HSD17B2: variants seen among roughly 807,000 people sequenced by gnomAD.
HSD17B2 encodes hydroxysteroid 17-beta dehydrogenase 2.
A neutral mutation model predicts 26.9 loss-of-function variants in HSD17B2; 32 were observed. The observed-to-expected ratio is 1.19, with a 90% CI of 0.90 to 1.60. The LOEUF is 1.60. HSD17B2 is among the 40% of genes most tolerant of loss of function. The pLI is 0.00. For synonymous variants in HSD17B2, 246 were observed against 186.7 expected, an observed-to-expected ratio of 1.32 and a Z score of -2.59; for missense variants, 613 against 468.6, an observed-to-expected ratio of 1.31 and a Z score of -2.85.
intron 2 of HSD17B2, among the ~76,000 whole-genome samples, chr16:82,069,302 T>A (rs1914644209): frequency 6.6e-6 from 1 of 152,244 alleles, no homozygotes; most frequent in Admixed American, 6.5e-5. Flanking sequence ...ATTTTCTTTA[T>A]CCAGTCTATC....
intron 1 of HSD17B2, among the ~76,000 whole-genome samples, chr16:82,038,698 C>A (rs753498248): frequency 7.2e-5 from 11 of 152,158 alleles, no homozygotes; most frequent in Non-Finnish European, 1.3e-4. Flanking sequence ...AGGCTAGGTC[C>A]CCAGAGGCAG....
chr16:82,045,947 G>A (rs941279481), intron 1 of HSD17B2, among the ~76,000 whole-genome samples: 8 of 152,220 alleles, frequency 5.3e-5, no homozygotes, highest in African/African-American at 1.9e-4. Context: ...GTCTTTGGGA[G>A]GTGCTGGACT....
At chr16:82,045,592 T>A (rs1913901735) in intron 1 of HSD17B2, among the ~76,000 whole-genome samples, 1 of 152,240 alleles carries the variant, frequency 6.6e-6, no homozygotes, top group Non-Finnish European at 1.5e-5. Flanking sequence ...CGATGAGAGT[T>A]CTGCCTTCTG....
chr16:82,046,365 G>GT (rs1184955854), intron 1 of HSD17B2, among the ~76,000 whole-genome samples: 1 of 152,136 alleles, frequency 6.6e-6, no homozygotes, highest in South Asian at 2.1e-4. Context: ...GTCAGATACT[G>GT]TAAGGAGCAC....
At chr16:82,073,947 A>C (rs1914755066) in intron 3 of HSD17B2, among the ~76,000 whole-genome samples, 1 of 152,240 alleles carries the variant, frequency 6.6e-6, no homozygotes, top group Non-Finnish European at 1.5e-5. Flanking sequence ...CCTGAATTCA[A>C]ACTATACTAC....
intron 3 of HSD17B2, among the ~76,000 whole-genome samples, chr16:82,079,603 TGGGGG>T (rs1030573958): frequency 2.0e-5 from 3 of 152,150 alleles, no homozygotes; most frequent in African/African-American, 7.2e-5. Context: ...TTCTGGGTGG[TGGGGG>T]GAGCAATTCA....
At chr16:82,060,493 T>C (rs1366957183) in intron 1 of HSD17B2, among the ~76,000 whole-genome samples, 5 of 152,198 alleles carry the variant, frequency 3.3e-5, no homozygotes, top group African/African-American at 1.2e-4. Flanking sequence ...TGCCGACTCA[T>C]CTCCTGGTTA....
chr16:82,080,023 C>A (rs564543981), intron 3 of HSD17B2, among the ~76,000 whole-genome samples: 17 of 152,178 alleles, frequency 1.1e-4, no homozygotes, highest in Non-Finnish European at 2.1e-4. Flanking sequence ...TGTCTTGAGT[C>A]TGGCACCTCT....
chr16:82,096,215 T>A (rs1904834682), intron 4 of HSD17B2: 1 of 152,156 alleles, frequency 6.6e-6, no homozygotes, highest in African/African-American at 2.4e-5. Context: ...ATATTTAAAA[T>A]CCTGTATTTA....
At chr16:82,063,515 C>T (rs1425528904) in intron 1 of HSD17B2, among the ~76,000 whole-genome samples, 7 of 151,936 alleles carry the variant, frequency 4.6e-5, no homozygotes, top group African/African-American at 1.7e-4. Flanking sequence ...GATGGTCTCC[C>T]GTGATCTTTG....
intron 1 of HSD17B2, among the ~76,000 whole-genome samples, chr16:82,043,684 C>CAAAAAAAAAAAAAAAAAAAAA (rs398030034): frequency 4.4e-5 from 1 of 22,540 alleles, no homozygotes; most frequent in African/African-American, 3.5e-4. Flanking sequence ...AACTCTGTCT[C>CAAAAAAAAAAAAAAAAAAAAA]AAAAAAAAAA....
rs573777241 is a variant in HSD17B2 at position 82,090,207 on chromosome 16, AG to A, written c.665-694del. ...ATAGTGGACCCTCCTCCCCACAAAA[AG>A]ATATGTTTACCAGGAACCTCAGAAG... On this transcript the variant is annotated intron_variant, in intron 3 of 4. Transcript: ENST00000199936. 2.7e-4 allele frequency: 262 copies of A among 982,078 alleles called. 1 individual carries two copies. In the African/African-American group the frequency reaches 4.5e-3, roughly 17 times the overall value. 60.8% of individuals were successfully genotyped at this position (982,078 alleles called of 1,614,324 possible). A position where few individuals can be genotyped will look rare whatever the true frequency, so the allele number is the denominator to read the frequency against.
At chr16:82,039,760 T>C (rs949986862) in intron 1 of HSD17B2, among the ~76,000 whole-genome samples, 2 of 152,112 alleles carry the variant, frequency 1.3e-5, no homozygotes, top group Non-Finnish European at 2.9e-5. Context: ...TCCAGTCATC[T>C]CAAATATTGA....
chr16:82,037,550 A>C (rs531143907), intron 1 of HSD17B2, among the ~76,000 whole-genome samples: 74 of 152,370 alleles, frequency 4.9e-4, no homozygotes, highest in Admixed American at 1.2e-3. Flanking sequence ...CTGATAATTC[A>C]AGTCTTGGAA....
intron 1 of HSD17B2, among the ~76,000 whole-genome samples, chr16:82,055,666 C>G (rs942468198): frequency 2.0e-5 from 3 of 152,216 alleles, no homozygotes; most frequent in African/African-American, 7.2e-5. Flanking sequence ...GACATCCAGA[C>G]AGCGTACTGT....
intron 3 of HSD17B2, among the ~76,000 whole-genome samples, chr16:82,081,948 A>T (rs1233890508): frequency 6.6e-6 from 1 of 152,166 alleles, no homozygotes; most frequent in Non-Finnish European, 1.5e-5. Flanking sequence ...CTTTGCAGGG[A>T]CACGGATGGA....
Position 82,068,350 on chromosome 16 carries a change from A to C in HSD17B2, c.446A>C (p.Tyr149Ser). ...ITKPVQIKDA[Y>S]SKVAAMLQDR... ...AAGCCAGTGCAGATAAAAGATGCTT[A>C]CAGCAAGGTTGCAGCAATGCTGCAG... is the stretch of plus-strand genomic sequence containing the variant. Residue 149 changes from tyrosine (Y) to serine (S), a missense_variant, in exon 2 of 5, where the codon TAC becomes TCC. Tyr to Ser is a moderately radical substitution (Grantham distance 144). Coordinates refer to ENST00000199936, the MANE Select transcript of HSD17B2 (RefSeq NM_002153.3). The C allele has an allele frequency of 6.2e-7, 1 of 1,613,538 alleles. No homozygotes were observed. Among genetic ancestry groups the C allele is most frequent in the East Asian group, 2.2e-5 (1 of 44,878 alleles).
Position 82,035,365 on chromosome 16 carries a change from A to G in HSD17B2, c.-60A>G. ...CACAGAACTCAGGCTGCCTCCAGCCAGCCTTTGCCCGCTAGACTCACTGGC... is the reference window on the plus strand; with the variant it reads ...CACAGAACTCAGGCTGCCTCCAGCCGGCCTTTGCCCGCTAGACTCACTGGC... On this transcript the variant is annotated 5_prime_UTR_variant, in exon 1 of 5. Transcript: ENST00000199936. 6 of 1,545,618 alleles carry G rather than the reference A, an allele frequency of 3.9e-6. No individual in the cohort carries two copies. The highest frequency in any genetic ancestry group is 5.3e-6 in the Non-Finnish European group (6 of 1,140,210).
intron 1 of HSD17B2, among the ~76,000 whole-genome samples, chr16:82,049,028 G>T (rs907566892): frequency 6.6e-6 from 1 of 152,164 alleles, no homozygotes; most frequent in African/African-American, 2.4e-5. Context: ...GGAACAGGTA[G>T]TCCCATGTTG....
Sources: allele counts gnomAD v4.1 joint callset (sites outside exome capture counted in the v4.1 genomes callset), GRCh38; gene constraint gnomAD v4.1.1; transcripts MANE v1.5; gene names NCBI Gene and HGNC (gene_info 2026-07-23, HGNC 2026-07-21).